The following AHI1 variants were observed in gnomAD, a reference collection of about 807,000 sequenced individuals.
AHI1 encodes the protein Abelson helper integration site 1.
A neutral mutation model predicts 149.3 loss-of-function variants in AHI1; 123 were observed. That is an observed-to-expected ratio of 0.82 (90% CI 0.71 to 0.96). The LOEUF (loss-of-function observed/expected upper bound fraction) is 0.96. Ranked by LOEUF, AHI1 falls within the 40% of genes least tolerant of loss-of-function variation. The pLI is 0.00. For synonymous variants in AHI1, 475 were observed against 459.8 expected (o/e 1.03, Z -0.42); for missense variants, 1,439 against 1,422.7 (o/e 1.01, Z -0.18).
At chr6:135,438,180 A>G (rs1785695841) in intron 15 of AHI1, among the ~76,000 whole-genome samples, 195 bp downstream of exon 15, 1 of 152,216 alleles carries the variant, frequency 6.6e-6, no homozygotes, top group Non-Finnish European at 1.5e-5. Context: ...CTACATAAAT[A>G]AAAGACATTT....
Position 135,343,897 on chromosome 6 carries a change from T to C in AHI1, c.3165+14235A>G, listed in dbSNP as rs553461298. 2.0e-5 allele frequency among the ~76,000 whole-genome samples: 3 copies of C among 151,978 alleles called. No homozygotes were observed. The South Asian group carries it at 6.2e-4, about 32-fold the overall frequency. ...GACAAAATAAAAAAGTAAACTAAAC[T>C]TTATCAAAATCTAAAAAATTTTGTG... On this transcript the variant is annotated intron_variant, in intron 24 of 28. Coordinates refer to ENST00000265602, the MANE Select transcript of AHI1 (RefSeq NM_001134831.2).
intron 5 of AHI1, among the ~76,000 whole-genome samples, chr6:135,475,876 G>C (rs1044434163): frequency 6.6e-6 from 1 of 152,060 alleles, no homozygotes; most frequent in African/African-American, 2.4e-5. Context: ...TATCAAGCCC[G>C]GGGGTGGCCA....
intron 27 of AHI1, among the ~76,000 whole-genome samples, chr6:135,292,467 T>A (rs924952753): frequency 1.3e-5 from 2 of 152,230 alleles, no homozygotes; most frequent in African/African-American, 4.8e-5. Context: ...CACATTTACC[T>A]CTTGTCTAAA....
At position 135,285,396 on chromosome 6, in the gene AHI1, A is replaced by C; in HGVS notation, c.*249T>G. 2 of 543,952 alleles carry C rather than the reference A, an allele frequency of 3.7e-6. No individual in the cohort carries two copies. Among genetic ancestry groups the C allele is most frequent in the East Asian group, 2.9e-5 (1 of 34,332 alleles). The allele number at this position is 543,952 out of a possible 1,614,324, so 33.7% of individuals were successfully genotyped here. A position where few individuals can be genotyped will look rare whatever the true frequency, so the allele number is the denominator to read the frequency against. The stretch of plus-strand genomic sequence containing the variant: ...ATGTAATTATGATGCAATTACTAAC[A>C]ATATAAGTACCAATACTTTGACCAA... On this transcript the variant is annotated 3_prime_UTR_variant, in exon 29 of 29. Coordinates refer to ENST00000265602, the MANE Select transcript of AHI1 (RefSeq NM_001134831.2).
intron 23 of AHI1, among the ~76,000 whole-genome samples, chr6:135,368,697 G>A (rs2614284): frequency 0.51 from 77,397 of 151,856 alleles, 20,330 homozygotes; most frequent in Middle Eastern, 0.64. Flanking sequence ...GTAGTTACAG[G>A]CCTCACCCAG....
chr6:135,457,762 G>C, intron 8 of AHI1, 49 bp from the exon 9 acceptor site: 1 of 1,515,118 alleles, frequency 6.6e-7, no homozygotes, highest in Non-Finnish European at 9.2e-7. Context: ...TGTTCCCATA[G>C]TAGTATTTAC....
At chr6:135,457,413 G>A in intron 9 of AHI1, 81 bp downstream of exon 9, 1 of 1,025,178 alleles carries the variant, frequency 9.8e-7, no homozygotes, top group Admixed American at 2.2e-5. Flanking sequence ...TATTCCCACT[G>A]ACTTTCAACT....
chr6:135,362,583 C>T (rs1794075567), intron 23 of AHI1, among the ~76,000 whole-genome samples: 2 of 152,134 alleles, frequency 1.3e-5, no homozygotes, highest in Non-Finnish European at 2.9e-5. Flanking sequence ...CATCACATTG[C>T]AGTTTTGATT....
intron 24 of AHI1, among the ~76,000 whole-genome samples, chr6:135,352,290 T>C (rs1792239152): frequency 6.6e-6 from 1 of 152,230 alleles, no homozygotes; most frequent in African/African-American, 2.4e-5. Context: ...TCTTTATAAA[T>C]GATGCCCAAA....
rs543256361 is a variant in AHI1 at position 135,284,415 on chromosome 6, C to T, written c.*1230G>A. The T allele has an allele frequency of 7.9e-5, 12 of 152,174 alleles. No individual in the cohort carries two copies. The highest frequency in any genetic ancestry group is 4.6e-4 in the Admixed American group (7 of 15,282). 9.4% of individuals were successfully genotyped at this position (152,174 alleles called of 1,614,324 possible). A position where few individuals can be genotyped will look rare whatever the true frequency, so the allele number is the denominator to read the frequency against. ...GACTGTCTAATTTGGATAGGTCTTT[C>T]TAATTTTATATTAGTTTTCACTTTC... is the stretch of plus-strand genomic sequence containing the variant. On this transcript the variant is annotated 3_prime_UTR_variant, in exon 29 of 29. Coordinates refer to ENST00000265602, the MANE Select transcript of AHI1 (RefSeq NM_001134831.2).
chr6:135,290,317 C>T, intron 28 of AHI1, 106 bp downstream of exon 28: 1 of 762,550 alleles, frequency 1.3e-6, no homozygotes, highest in Non-Finnish European at 2.3e-6. Flanking sequence ...ACTTGTCAGT[C>T]CTTATTTTAC....
intron 20 of AHI1, among the ~76,000 whole-genome samples, chr6:135,423,888 C>T (rs111948261): frequency 3.3e-5 from 5 of 152,200 alleles, no homozygotes; most frequent in South Asian, 2.1e-4. Flanking sequence ...AATTATCAGA[C>T]AATGCTGAGA....
At chr6:135,324,170 C>CA (rs780681863) in intron 24 of AHI1, among the ~76,000 whole-genome samples, 4 of 151,736 alleles carry the variant, frequency 2.6e-5, no homozygotes, top group Admixed American at 6.6e-5. Context: ...AAAAAAACAA[C>CA]AAAAAAAATT....
chr6:135,398,265 T>C (rs941715334), intron 22 of AHI1, among the ~76,000 whole-genome samples: 1 of 152,006 alleles, frequency 6.6e-6, no homozygotes, highest in Non-Finnish European at 1.5e-5. Context: ...AAGCAATGAG[T>C]AGTCTATGGT....
At chr6:135,426,548 G>A (rs1783936406) in intron 20 of AHI1, among the ~76,000 whole-genome samples, 1 of 151,534 alleles carries the variant, frequency 6.6e-6, no homozygotes, top group African/African-American at 2.4e-5. Flanking sequence ...GAAGAAAATA[G>A]AAATGCAATT....
chr6:135,409,316 C>G (rs371797709), intron 21 of AHI1, among the ~76,000 whole-genome samples: 9 of 152,140 alleles, frequency 5.9e-5, no homozygotes, highest in African/African-American at 1.9e-4. Flanking sequence ...TGTCAATAAT[C>G]TATTAATATT....
chr6:135,284,409 GTCTT>G lies in AHI1; in HGVS notation c.*1232_*1235del, dbSNP rs1781493858. 1 of 151,978 alleles carries G rather than the reference GTCTT, an allele frequency of 6.6e-6. No homozygotes were observed. Among genetic ancestry groups the G allele is most frequent in the Admixed American group, 6.6e-5 (1 of 15,240 alleles). 9.4% of individuals were successfully genotyped at this position (151,978 alleles called of 1,614,324 possible). A position where few individuals can be genotyped will look rare whatever the true frequency, so the allele number is the denominator to read the frequency against. On this transcript the variant is annotated 3_prime_UTR_variant, in exon 29 of 29. Transcript: ENST00000265602. ...GGAATTGACTGTCTAATTTGGATAGGTCTTTCTAATTTTATATTAGTTTTCACTT... is the reference window on the plus strand; with the variant it reads ...GGAATTGACTGTCTAATTTGGATAGGTCTAATTTTATATTAGTTTTCACTT...
At chr6:135,322,477 CT>C (rs34814575) in intron 25 of AHI1, among the ~76,000 whole-genome samples, 81,777 of 150,564 alleles carry the variant, frequency 0.54, 22,158 homozygotes, top group Middle Eastern at 0.64. Flanking sequence ...TTCCCTAGCT[CT>C]TTTTTTTTTC....
intron 27 of AHI1, among the ~76,000 whole-genome samples, chr6:135,294,250 C>A (rs9483825): frequency 0.1 from 15,478 of 151,970 alleles, 1,837 homozygotes; most frequent in African/African-American, 0.28. Context: ...CACCTGAACC[C>A]GGGAGGCGGA....
Sources: allele counts gnomAD v4.1 joint callset (sites outside exome capture counted in the v4.1 genomes callset), GRCh38; gene constraint gnomAD v4.1.1; transcripts MANE v1.5; gene names NCBI Gene and HGNC (gene_info 2026-07-23, HGNC 2026-07-21).